ARHGAP26: variants seen among roughly 807,000 people sequenced by gnomAD.
ARHGAP26 encodes Rho GTPase activating protein 26, also known as rho GTPase-activating protein 26.
Under a neutral mutation model 104.8 loss-of-function variants are expected in ARHGAP26, and 38 were observed. The observed-to-expected ratio is 0.36, with a 90% CI of 0.28 to 0.48. ARHGAP26 has a LOEUF of 0.48. ARHGAP26 is among the 20% of genes least tolerant of loss of function. The pLI is 0.99. For missense variants in ARHGAP26, 704 were observed against 947.9 expected (o/e 0.74, Z 3.38); for synonymous variants, 341 against 340.0 (o/e 1.00, Z -0.03).
At chr5:143,028,128 A>T (rs1781335386) in intron 12 of ARHGAP26, among the ~76,000 whole-genome samples, 1 of 152,180 alleles carries the variant, frequency 6.6e-6, no homozygotes, top group South Asian at 2.1e-4. Context: ...GAAATTCCTT[A>T]ACCTGACTGA....
intron 13 of ARHGAP26, among the ~76,000 whole-genome samples, chr5:143,038,642 A>T (rs1293412234): frequency 1.3e-5 from 2 of 148,918 alleles, no homozygotes; most frequent in Non-Finnish European, 3.0e-5. Flanking sequence ...AAAACTGTGA[A>T]TCACTGACAA....
chr5:143,205,257 C>T (rs763758693), intron 20 of ARHGAP26, among the ~76,000 whole-genome samples: 1 of 151,998 alleles, frequency 6.6e-6, no homozygotes, highest in African/African-American at 2.4e-5. Context: ...AGTCAAGGGA[C>T]CTTGGCAAAT....
At chr5:142,771,392 T>G (rs895740955) in intron 1 of ARHGAP26, 1 of 1,231,864 alleles carries the variant, frequency 8.1e-7, no homozygotes, top group African/African-American at 1.6e-5. Flanking sequence ...TGTGACTGCT[T>G]CGCTCCCTGT....
chr5:143,172,213 G>T (rs891319466), intron 20 of ARHGAP26, among the ~76,000 whole-genome samples: 3 of 152,122 alleles, frequency 2.0e-5, no homozygotes, highest in Non-Finnish European at 2.9e-5. Flanking sequence ...ACAGTTGGGT[G>T]ACATGTGCCA....
intron 1 of ARHGAP26, among the ~76,000 whole-genome samples, chr5:142,805,894 T>G (rs573186833): frequency 6.6e-6 from 1 of 152,330 alleles, no homozygotes; most frequent in East Asian, 1.9e-4. Flanking sequence ...GTGGCAATAG[T>G]CCTTAACCCG....
chr5:142,927,553 C>T (rs1764093540), intron 10 of ARHGAP26, among the ~76,000 whole-genome samples: 1 of 152,120 alleles, frequency 6.6e-6, no homozygotes, highest in Non-Finnish European at 1.5e-5. Context: ...TTCAAATATA[C>T]AACAGTTTAT....
chr5:142,931,932 G>T, intron 10 of ARHGAP26, 115 bp from the exon 11 acceptor site: 1 of 959,308 alleles, frequency 1.0e-6, no homozygotes. Context: ...GCCCCTCTTT[G>T]TGTTGTTAAC....
intron 11 of ARHGAP26, among the ~76,000 whole-genome samples, chr5:142,971,530 A>G (rs1487154576): frequency 2.6e-5 from 4 of 152,134 alleles, no homozygotes; most frequent in Admixed American, 2.6e-4. Flanking sequence ...AGCAAGTTTA[A>G]TCATATCTTT....
rs561929923 is a variant in ARHGAP26 at position 142,965,938 on chromosome 5, A to T, written c.1107+33813A>T. Among the ~76,000 whole-genome samples, 5 of 152,258 alleles carry T rather than the reference A, an allele frequency of 3.3e-5. 1 individual carries two copies. In the East Asian group the frequency reaches 9.6e-4, roughly 29 times the overall value. ...GTTGTGTTTTAAAGGGCCTGTAAAA[A>T]TTTTTAGTTTAATCTTTAATAGCCG... is the stretch of plus-strand genomic sequence containing the variant. On this transcript the variant is annotated intron_variant, in intron 11 of 22. Coordinates refer to ENST00000645722, the MANE Select transcript of ARHGAP26 (RefSeq NM_001135608.3).
rs560850622 is a variant in ARHGAP26, at chr5:142,964,110, T to G, written c.1107+31985T>G. Among the ~76,000 whole-genome samples the G allele has an allele frequency of 1.3e-4, 20 of 152,326 alleles. No homozygotes were observed. In the South Asian group the frequency reaches 4.1e-3, roughly 32 times the overall value. On this transcript the variant is annotated intron_variant, in intron 11 of 22. Transcript: ENST00000645722. The stretch of plus-strand genomic sequence containing the variant: ...CTGACAGAACTGAAATGCTAGACTG[T>G]CTGTTTCTATATAGGATACCTGGCA...
intron 5 of ARHGAP26, among the ~76,000 whole-genome samples, chr5:142,886,781 A>G (rs1757775278): frequency 6.6e-6 from 1 of 152,218 alleles, no homozygotes; most frequent in African/African-American, 2.4e-5. Flanking sequence ...ACATGAGGAT[A>G]TGGGCACTAT....
At chr5:143,082,483 T>C (rs1789969878) in intron 17 of ARHGAP26, among the ~76,000 whole-genome samples, 2 of 152,224 alleles carry the variant, frequency 1.3e-5, no homozygotes, top group East Asian at 1.9e-4. Flanking sequence ...ATATGTCAGG[T>C]GCTTTAGATA....
chr5:142,817,452 A>G (rs1351411254), intron 1 of ARHGAP26, among the ~76,000 whole-genome samples: 1 of 152,206 alleles, frequency 6.6e-6, no homozygotes, highest in Non-Finnish European at 1.5e-5. Flanking sequence ...TAAAGGGGAA[A>G]GGCACTGAGA....
At chr5:143,098,266 G>C (rs1257877002) in intron 17 of ARHGAP26, among the ~76,000 whole-genome samples, 1 of 152,138 alleles carries the variant, frequency 6.6e-6, no homozygotes, top group East Asian at 1.9e-4. Context: ...TAGCATAACT[G>C]TTAAATGGTA....
intron 1 of ARHGAP26, among the ~76,000 whole-genome samples, chr5:142,776,253 A>T (rs1056363671): frequency 1.3e-5 from 2 of 152,188 alleles, no homozygotes; most frequent in African/African-American, 4.8e-5. Flanking sequence ...GATTACAGGC[A>T]TGAACCACGG....
intron 1 of ARHGAP26, among the ~76,000 whole-genome samples, chr5:142,802,013 G>C (rs566409361): frequency 1.3e-5 from 2 of 152,242 alleles, no homozygotes; most frequent in East Asian, 3.9e-4. Context: ...ACATCAGAGG[G>C]GATCTGTTCC....
Position 143,226,035 on chromosome 5 carries a change from G to A in ARHGAP26, c.*3589G>A. On this transcript the variant is annotated 3_prime_UTR_variant, in exon 23 of 23. Transcript: ENST00000645722. Reference sequence around the variant, plus strand: ...AGGAGAATGAATTGGTTATCAGAGTGGAAGACCATGGCCCAGGATCCCTGA... The same window carrying A: ...AGGAGAATGAATTGGTTATCAGAGTAGAAGACCATGGCCCAGGATCCCTGA... 1 of 213,138 alleles carries A rather than the reference G, an allele frequency of 4.7e-6. No individual in the cohort carries two copies. The allele number at this position is 213,138 out of a possible 1,614,324, so 13.2% of individuals were successfully genotyped here. A position where few individuals can be genotyped will look rare whatever the true frequency, so the allele number is the denominator to read the frequency against.
chr5:143,040,867 C>T (rs182921841), intron 13 of ARHGAP26, among the ~76,000 whole-genome samples: 5 of 152,140 alleles, frequency 3.3e-5, no homozygotes, highest in East Asian at 1.9e-4. Context: ...AGTCAGTGCT[C>T]GATAGTATAG....
chr5:142,903,301 G>A (rs1760639262), intron 7 of ARHGAP26, among the ~76,000 whole-genome samples: 1 of 152,146 alleles, frequency 6.6e-6, no homozygotes, highest in Non-Finnish European at 1.5e-5. Flanking sequence ...GTGAGGGCTG[G>A]GCATTTGCAT....
Sources: gnomAD v4.1 joint callset for allele counts (sites outside exome capture counted in the v4.1 genomes callset) on GRCh38, gnomAD v4.1.1 for gene constraint, MANE v1.5 for transcripts, NCBI Gene and HGNC (gene_info 2026-07-23, HGNC 2026-07-21) for gene names.